The following CACNA2D3 variants were observed in gnomAD, a reference collection of about 807,000 sequenced individuals.
CACNA2D3 encodes calcium voltage-gated channel auxiliary subunit alpha2delta 3, also known as voltage-dependent calcium channel subunit alpha-2/delta-3.
A neutral mutation model predicts 160.6 loss-of-function variants in CACNA2D3; 60 were observed. That is an observed-to-expected ratio of 0.37 (90% confidence interval 0.30 to 0.46). CACNA2D3 has a LOEUF of 0.46. Among genes scored for constraint, CACNA2D3 ranks in the 20% least tolerant of loss-of-function variants. The pLI is 1.00. For missense variants in CACNA2D3, 1,205 were observed against 1,365.0 expected, an observed-to-expected ratio of 0.88 and a Z score of 1.85; for synonymous variants, 558 against 492.9, an observed-to-expected ratio of 1.13 and a Z score of -1.75.
intron 2 of CACNA2D3, among the ~76,000 whole-genome samples, chr3:54,230,958 G>A (rs1013778865): frequency 1.3e-5 from 2 of 152,184 alleles, no homozygotes; most frequent in Non-Finnish European, 2.9e-5. Flanking sequence ...AAGATATCCA[G>A]CCCTGGTAAA....
At chr3:54,407,546 A>G (rs1699598713) in intron 4 of CACNA2D3, among the ~76,000 whole-genome samples, 1 of 152,178 alleles carries the variant, frequency 6.6e-6, no homozygotes, top group Non-Finnish European at 1.5e-5. Flanking sequence ...AGGAATCCTT[A>G]AGTGTGATAA....
chr3:54,600,770 A>T (rs754804253), intron 9 of CACNA2D3, among the ~76,000 whole-genome samples: 8 of 151,742 alleles, frequency 5.3e-5, no homozygotes, highest in Non-Finnish European at 1.2e-4. Flanking sequence ...TCATTATGTG[A>T]GCGTCTAATG....
intron 4 of CACNA2D3, among the ~76,000 whole-genome samples, chr3:54,480,652 A>G (rs1417300577): frequency 6.6e-6 from 1 of 152,156 alleles, no homozygotes; most frequent in Non-Finnish European, 1.5e-5. Context: ...TGGCTGGCCA[A>G]CTTGGGCTGC....
intron 4 of CACNA2D3, among the ~76,000 whole-genome samples, chr3:54,397,484 T>G (rs1327625617): frequency 2.4e-5 from 3 of 123,138 alleles, no homozygotes; most frequent in Non-Finnish European, 3.4e-5. Context: ...ACACACTGCT[T>G]TGAATGCGTC....
intron 2 of CACNA2D3, among the ~76,000 whole-genome samples, chr3:54,276,731 G>A (rs940704615): frequency 5.3e-5 from 8 of 151,844 alleles, no homozygotes; most frequent in African/African-American, 1.7e-4. Context: ...ATGGGAGAGA[G>A]GATGGTAAAG....
At chr3:54,426,366 T>C (rs1340548653) in intron 4 of CACNA2D3, among the ~76,000 whole-genome samples, 1 of 152,238 alleles carries the variant, frequency 6.6e-6, no homozygotes, top group Non-Finnish European at 1.5e-5. Flanking sequence ...AACTGCACTT[T>C]AGAGATGTGT....
intron 2 of CACNA2D3, among the ~76,000 whole-genome samples, chr3:54,266,620 G>A (rs914238784): frequency 1.3e-5 from 2 of 152,160 alleles, no homozygotes; most frequent in Non-Finnish European, 2.9e-5. Context: ...ATGAGTGAGC[G>A]GGTGACTAGA....
chr3:54,247,329 C>CAAACAAACA (rs549331677), intron 2 of CACNA2D3, among the ~76,000 whole-genome samples: 2 of 151,756 alleles, frequency 1.3e-5, no homozygotes, highest in African/African-American at 4.8e-5. Context: ...AACAAACAAA[C>CAAACAAACA]AAATAAATAA....
chr3:54,854,406 G>C (rs1699123249), intron 17 of CACNA2D3, among the ~76,000 whole-genome samples: 1 of 152,214 alleles, frequency 6.6e-6, no homozygotes, highest in African/African-American at 2.4e-5. Flanking sequence ...TGGGTGCCTG[G>C]GTTTCTGTTG....
intron 11 of CACNA2D3, among the ~76,000 whole-genome samples, chr3:54,646,148 T>TTCCCTCTC (rs1699636625): frequency 3.8e-5 from 1 of 26,230 alleles, no homozygotes; most frequent in African/African-American, 1.1e-4. Context: ...CCTTCCTTCC[T>TTCCCTCTC]TCCCTCCCTC....
intron 10 of CACNA2D3, among the ~76,000 whole-genome samples, chr3:54,641,311 A>G (rs138452059): frequency 0.012 from 1,753 of 152,366 alleles, 118 homozygotes; most frequent in Admixed American, 0.1. Context: ...GGTGGATTCA[A>G]AGATTTCTGA....
At chr3:54,939,167 A>G (rs1414841785) in intron 27 of CACNA2D3, among the ~76,000 whole-genome samples, 1 of 152,096 alleles carries the variant, frequency 6.6e-6, no homozygotes, top group Non-Finnish European at 1.5e-5. Context: ...AACATCTGAA[A>G]CTCTTACAAC....
chr3:54,268,957 T>C (rs546006623), intron 2 of CACNA2D3, among the ~76,000 whole-genome samples: 64 of 152,266 alleles, frequency 4.2e-4, no homozygotes, highest in Middle Eastern at 6.8e-3. Flanking sequence ...GGGAAAGCAG[T>C]GGATGGAGAA....
intron 2 of CACNA2D3, among the ~76,000 whole-genome samples, chr3:54,290,577 A>G (rs537865820): frequency 6.6e-6 from 1 of 151,052 alleles, no homozygotes; most frequent in Non-Finnish European, 1.5e-5. Context: ...CCAAAGGACT[A>G]TAAATCATGC....
intron 4 of CACNA2D3, among the ~76,000 whole-genome samples, chr3:54,424,975 C>A (rs1183371932): frequency 1.3e-5 from 2 of 152,158 alleles, no homozygotes; most frequent in African/African-American, 4.8e-5. Context: ...GAGAGAAGGA[C>A]CCCTGACCTG....
chr3:54,944,566 G>A (rs1366042852), intron 27 of CACNA2D3, among the ~76,000 whole-genome samples: 1 of 151,890 alleles, frequency 6.6e-6, no homozygotes, highest in Non-Finnish European at 1.5e-5. Flanking sequence ...GACTACAGGC[G>A]CCCACCACCC....
At chr3:54,153,720 A>G (rs1342750656) in intron 2 of CACNA2D3, among the ~76,000 whole-genome samples, 3 of 152,200 alleles carry the variant, frequency 2.0e-5, no homozygotes, top group African/African-American at 2.4e-5. Flanking sequence ...ATGTGTAGCA[A>G]TGGTTTTTCC....
chr3:54,555,201 T>A (rs926260197), intron 5 of CACNA2D3, among the ~76,000 whole-genome samples: 3 of 152,178 alleles, frequency 2.0e-5, no homozygotes, highest in African/African-American at 4.8e-5. Context: ...TATTTTCTAA[T>A]GAATGGAGTA....
intron 31 of CACNA2D3, among the ~76,000 whole-genome samples, chr3:55,002,861 C>A (rs1040357141): frequency 3.9e-5 from 6 of 152,106 alleles, no homozygotes; most frequent in Non-Finnish European, 1.5e-5. Context: ...GTGTTTAATC[C>A]ATTTATCGGT....
Sources: allele counts gnomAD v4.1 joint callset (sites outside exome capture counted in the v4.1 genomes callset), GRCh38; gene constraint gnomAD v4.1.1; transcripts MANE v1.5; gene names NCBI Gene and HGNC (gene_info 2026-07-23, HGNC 2026-07-21).